The following DNAJC2 variants were observed in gnomAD, a reference collection of about 807,000 sequenced individuals.
DNAJC2 encodes the protein dnaJ homolog subfamily C member 2.
DNAJC2 carries 32 observed loss-of-function variants against 94.0 expected under a neutral mutation model. The observed-to-expected ratio is 0.34, with a 90% CI of 0.26 to 0.46. The LOEUF is 0.46. DNAJC2 is among the 20% of genes least tolerant of loss of function. The probability of loss-of-function intolerance (pLI) is 1.00; values close to 1 mark genes in which losing one functional copy is unlikely to be tolerated. For missense variants in DNAJC2, 550 were observed against 719.5 expected, an observed-to-expected ratio of 0.76 and a Z score of 2.69; for synonymous variants, 210 against 229.7, an observed-to-expected ratio of 0.91 and a Z score of 0.77.
At chr7:103,319,893 T>C (rs1414819394) in intron 10 of DNAJC2, 49 bp from the exon 11 acceptor site, 2 of 1,585,174 alleles carry the variant, frequency 1.3e-6, no homozygotes, top group East Asian at 2.2e-5. Flanking sequence ...AATACATCCA[T>C]CAACATAATT....
At position 103,317,023 on chromosome 7, in the gene DNAJC2, A is replaced by T. The variant is rs778633512; in HGVS notation, c.1243-9T>A. Reference sequence around the variant, plus strand: ...TCATTTATTTCTTCTATCTGCACAAATATCATAAGTCAGGGACTTAGAAGT... The same window carrying T: ...TCATTTATTTCTTCTATCTGCACAATTATCATAAGTCAGGGACTTAGAAGT... On this transcript the variant is annotated splice_polypyrimidine_tract_variant and intron_variant, in intron 12 of 16. Coordinates refer to ENST00000379263, the MANE Select transcript of DNAJC2 (RefSeq NM_014377.3). 69 of 1,610,600 alleles carry T rather than the reference A, an allele frequency of 4.3e-5. No homozygotes were observed. The highest frequency in any genetic ancestry group is 5.7e-5 in the Non-Finnish European group (67 of 1,178,744).
intron 2 of DNAJC2, among the ~76,000 whole-genome samples, chr7:103,338,549 G>C (rs1183461323): frequency 6.6e-6 from 1 of 151,622 alleles, no homozygotes; most frequent in African/African-American, 2.4e-5. Flanking sequence ...TACCTGCCTT[G>C]GCCTCCCAAA....
At chr7:103,313,749 TCA>T (rs1817890025) in intron 15 of DNAJC2, 1 of 985,248 alleles carries the variant, frequency 1.0e-6, no homozygotes, top group Non-Finnish European at 1.2e-6. Context: ...CTTGTATATT[TCA>T]GAAAACATCT....
rs1306599030 is a variant in DNAJC2 at position 103,317,069 on chromosome 7, ACT to A, written c.1243-57_1243-56del. ...GAAGTATACTGTATTGCTATTCTAC[ACT>A]CTCTTCCTGGCTAGGGCTTTGTGGT... On this transcript the variant is annotated intron_variant, in intron 12 of 16. Coordinates refer to ENST00000379263, the MANE Select transcript of DNAJC2 (RefSeq NM_014377.3). 29 of 1,466,402 alleles carry A rather than the reference ACT, an allele frequency of 2.0e-5. No homozygotes were observed. The African/African-American group carries it at 2.9e-4, about 15-fold the overall frequency. 90.8% of individuals were successfully genotyped at this position (1,466,402 alleles called of 1,614,324 possible). A position where few individuals can be genotyped will look rare whatever the true frequency, so the allele number is the denominator to read the frequency against.
chr7:103,315,249 T>C (rs1563454400), intron 15 of DNAJC2, among the ~76,000 whole-genome samples: 3 of 151,338 alleles, frequency 2.0e-5, no homozygotes, highest in African/African-American at 7.4e-5. Flanking sequence ...GAAATAATTT[T>C]AGAGGAGTAG....
intron 12 of DNAJC2, 44 bp from the exon 13 acceptor site, chr7:103,317,058 T>C (rs774429487): frequency 2.6e-6 from 4 of 1,526,876 alleles, no homozygotes; most frequent in Non-Finnish European, 3.6e-6. Flanking sequence ...TATACTGTAT[T>C]GCTATTCTAC....
chr7:103,315,936 G>A, intron 14 of DNAJC2, 52 bp downstream of exon 14: 2 of 1,549,866 alleles, frequency 1.3e-6, no homozygotes, highest in South Asian at 2.3e-5. Flanking sequence ...AATTGCATAA[G>A]TTATTTTAAA....
chr7:103,336,403 G>A (rs560624038), intron 3 of DNAJC2: 1 of 152,336 alleles, frequency 6.6e-6, no homozygotes, highest in Admixed American at 6.5e-5. Context: ...GAGCGCAATG[G>A]TGCGACCTCG....
rs371029071 is a variant in DNAJC2, at chr7:103,326,681, T to A, written c.434A>T (p.Tyr145Phe). ...NDYFTCITKA[Y>F]EMLSDPVKRR... Reference sequence around the variant, plus strand: ...TTTCACTGGATCAGATAACATTTCATAAGCTGAGAAAAAAATTGTTAAGAT... The same window carrying A: ...TTTCACTGGATCAGATAACATTTCAAAAGCTGAGAAAAAAATTGTTAAGAT... The change falls in exon 5 of 17, where the codon TAT becomes TTT. Residue 145 changes from tyrosine (Y) to phenylalanine (F), a missense_variant. By Grantham distance (22) the Tyr-to-Phe change is conservative. Coordinates refer to ENST00000379263, the MANE Select transcript of DNAJC2 (RefSeq NM_014377.3). 29 of 1,598,918 alleles carry A rather than the reference T, an allele frequency of 1.8e-5. No homozygotes were observed. The African/African-American group carries it at 3.5e-4, about 19-fold the overall frequency.
At chr7:103,316,781 T>TCTCCAGG (rs1171064209) in intron 13 of DNAJC2, 49 bp downstream of exon 13, 2 of 1,479,568 alleles carry the variant, frequency 1.4e-6, no homozygotes, top group Admixed American at 1.8e-5. Flanking sequence ...GTCTACATTA[T>TCTCCAGG]CTCCAGGCTC....
intron 4 of DNAJC2, among the ~76,000 whole-genome samples, chr7:103,327,096 A>G (rs1447911927): frequency 6.6e-6 from 1 of 152,228 alleles, no homozygotes; most frequent in African/African-American, 2.4e-5. Flanking sequence ...AATTAGCATC[A>G]AAGTGTAAAA....
intron 12 of DNAJC2, among the ~76,000 whole-genome samples, chr7:103,317,578 T>C (rs2115806121): frequency 6.6e-6 from 1 of 152,340 alleles, no homozygotes; most frequent in African/African-American, 2.4e-5. Context: ...TTAGAACCAG[T>C]AAAGTCCCAA....
chr7:103,336,799 T>C (rs1819192187), intron 3 of DNAJC2: 1 of 152,264 alleles, frequency 6.6e-6, no homozygotes, highest in Non-Finnish European at 1.5e-5. Context: ...CAGTTTAAAA[T>C]AATCTGATAA....
rs1817792056 is a variant in DNAJC2 at position 103,312,350 on chromosome 7, A to G, written c.*219T>C. 1.9e-6 allele frequency: 3 copies of G among 1,573,708 alleles called. No individual in the cohort carries two copies. The highest frequency in any genetic ancestry group is 2.7e-5 in the African/African-American group (2 of 73,278). ...GAAAAATAAAAATGAACATGTATAT[A>G]CATTTGGAAATTTGAATTAAATACT... On this transcript the variant is annotated 3_prime_UTR_variant, in exon 17 of 17. Coordinates refer to ENST00000379263, the MANE Select transcript of DNAJC2 (RefSeq NM_014377.3).
chr7:103,341,493 T>C (rs929387975), intron 2 of DNAJC2, among the ~76,000 whole-genome samples: 2 of 152,210 alleles, frequency 1.3e-5, no homozygotes, highest in Admixed American at 1.3e-4. Context: ...CCAGAATACT[T>C]TTCTCACTTC....
chr7:103,327,051 A>G (rs1006193466), intron 4 of DNAJC2, among the ~76,000 whole-genome samples: 2 of 152,268 alleles, frequency 1.3e-5, no homozygotes, highest in East Asian at 1.9e-4. Flanking sequence ...ACTGGCAAAG[A>G]GTAAATATGA....
intron 2 of DNAJC2, among the ~76,000 whole-genome samples, 162 bp downstream of exon 2, chr7:103,341,602 T>C (rs2116061841): frequency 6.6e-6 from 1 of 152,358 alleles, no homozygotes; most frequent in East Asian, 1.9e-4. Context: ...CAGTATCTCA[T>C]GGCTAGTGCT....
chr7:103,322,256 A>G (rs1818462081), intron 9 of DNAJC2, among the ~76,000 whole-genome samples, 175 bp from the exon 10 acceptor site: 2 of 152,296 alleles, frequency 1.3e-5, no homozygotes, highest in East Asian at 3.9e-4. Flanking sequence ...ATAAACATTT[A>G]TTAGAAAATG....
intron 12 of DNAJC2, among the ~76,000 whole-genome samples, chr7:103,319,094 C>T (rs1243256168): frequency 6.6e-6 from 1 of 152,084 alleles, no homozygotes; most frequent in Non-Finnish European, 1.5e-5. Context: ...CACCTGTAAT[C>T]CCACCCGCAC....
Sources: allele counts gnomAD v4.1 joint callset (sites outside exome capture counted in the v4.1 genomes callset), GRCh38; gene constraint gnomAD v4.1.1; transcripts MANE v1.5; gene names NCBI Gene and HGNC (gene_info 2026-07-23, HGNC 2026-07-21).